The following ODR4 variants were observed in gnomAD, a reference collection of about 807,000 sequenced individuals.
The protein encoded by ODR4 is protein odr-4 homolog.
A neutral mutation model predicts 60.2 loss-of-function variants in ODR4; 47 were observed. The observed-to-expected ratio is 0.78, with a 90% CI of 0.62 to 1.00. The LOEUF (loss-of-function observed/expected upper bound fraction) is 1.00, where lower values mean the gene tolerates loss of function less well. ODR4 is among the 50% of genes least tolerant of loss of function. ODR4 has a pLI of 0.00. For missense variants in ODR4, 488 were observed against 530.8 expected (o/e 0.92, Z 0.79); for synonymous variants, 178 against 175.5 (o/e 1.01, Z -0.11).
intron 9 of ODR4, among the ~76,000 whole-genome samples, chr1:186,396,798 AAT>A (rs1201248228): frequency 6.6e-6 from 1 of 151,966 alleles, no homozygotes; most frequent in Non-Finnish European, 1.5e-5. Flanking sequence ...TACATATACT[AAT>A]ATATAAATGT....
chr1:186,424,043 G>A (rs1377795661), downstream of ODR4, among the ~76,000 whole-genome samples: 7 of 152,106 alleles, frequency 4.6e-5, no homozygotes, highest in South Asian at 4.1e-4. Context: ...AAGAATTCAC[G>A]TACACTAACC....
intron 1 of ODR4, among the ~76,000 whole-genome samples, chr1:186,376,480 GTC>G (rs1659771727): frequency 6.6e-6 from 1 of 152,130 alleles, no homozygotes; most frequent in African/African-American, 2.4e-5. Flanking sequence ...TCCCAGTGTC[GTC>G]TCTCTGCAGT....
the ODR4 span, among the ~76,000 whole-genome samples, chr1:186,431,269 A>G: frequency 6.6e-6 from 1 of 152,208 alleles, no homozygotes; most frequent in Non-Finnish European, 1.5e-5. Flanking sequence ...AAGATTTGTA[A>G]GAAGTATTGC....
At chr1:186,403,102 CA>C (rs1341760787) in intron 11 of ODR4, among the ~76,000 whole-genome samples, 1 of 151,854 alleles carries the variant, frequency 6.6e-6, no homozygotes, top group Non-Finnish European at 1.5e-5. Flanking sequence ...ATATTTCAAA[CA>C]GAAATAAGAT....
Position 186,419,168 on chromosome 1 carries a change from C to G in ODR4, c.*92C>G, listed in dbSNP as rs867787158. On this transcript the variant is annotated 3_prime_UTR_variant, in exon 14 of 14. Coordinates refer to ENST00000287859, the MANE Select transcript of ODR4 (RefSeq NM_017847.6). ...GTTAACAATCCATCTGTATTTAAAACACTAGCAGCCAGATCTGCTGCCATG... is the reference window on the plus strand; with the variant it reads ...GTTAACAATCCATCTGTATTTAAAAGACTAGCAGCCAGATCTGCTGCCATG... 1 of 1,102,038 alleles carries G rather than the reference C, an allele frequency of 9.1e-7. No individual in the cohort carries two copies. 68.3% of individuals were successfully genotyped at this position (1,102,038 alleles called of 1,614,324 possible). A position where few individuals can be genotyped will look rare whatever the true frequency, so the allele number is the denominator to read the frequency against.
At chr1:186,385,693 T>C (rs961886470) in intron 3 of ODR4, among the ~76,000 whole-genome samples, 1 of 152,136 alleles carries the variant, frequency 6.6e-6, no homozygotes, top group Admixed American at 6.5e-5. Context: ...TAGTGTCAAA[T>C]GAGGGTATAA....
chr1:186,396,480 G>C (rs935039585), intron 9 of ODR4, among the ~76,000 whole-genome samples: 21 of 152,010 alleles, frequency 1.4e-4, no homozygotes, highest in African/African-American at 4.8e-4. Flanking sequence ...GTGATGGTGT[G>C]TGCCTGTAGT....
At chr1:186,399,162 A>G (rs910957326) in intron 11 of ODR4, 118 bp downstream of exon 11, 8 of 752,758 alleles carry the variant, frequency 1.1e-5, no homozygotes, top group African/African-American at 8.7e-5. Context: ...CAAGCAGTAT[A>G]TCATCTTTTA....
rs530411773 is a variant in ODR4, at chr1:186,388,604, G to A, written c.437+56G>A. On this transcript the variant is annotated intron_variant, in intron 5 of 13. Coordinates refer to ENST00000287859, the MANE Select transcript of ODR4 (RefSeq NM_017847.6). The stretch of plus-strand genomic sequence containing the variant: ...TACAAAGTACCAAAATAATATTCTT[G>A]CAAGGTTTTTTTGCTATTTATTTAA... The A allele has an allele frequency of 1.6e-5, 16 of 1,014,708 alleles. No homozygotes were observed. The East Asian group carries it at 4.6e-4, about 29-fold the overall frequency. The allele number at this position is 1,014,708 out of a possible 1,614,324, so 62.9% of individuals were successfully genotyped here. A position where few individuals can be genotyped will look rare whatever the true frequency, so the allele number is the denominator to read the frequency against.
chr1:186,409,510 A>G (rs937340978), intron 12 of ODR4, among the ~76,000 whole-genome samples: 2 of 152,240 alleles, frequency 1.3e-5, no homozygotes, highest in Non-Finnish European at 2.9e-5. Flanking sequence ...AAGAACAACA[A>G]AATGCTGATT....
At chr1:186,382,382 A>G (rs1660071976) in intron 2 of ODR4, among the ~76,000 whole-genome samples, 1 of 151,958 alleles carries the variant, frequency 6.6e-6, no homozygotes, top group South Asian at 2.1e-4. Context: ...CTATGATCAC[A>G]CCACTGCACT....
chr1:186,417,488 GT>G, intron 12 of ODR4, 55 bp from the exon 13 acceptor site: 1 of 948,056 alleles, frequency 1.1e-6, no homozygotes, highest in Non-Finnish European at 1.6e-6. Flanking sequence ...TTAAAGCTCA[GT>G]TTCATGTGTT....
the ODR4 span, among the ~76,000 whole-genome samples, chr1:186,433,058 A>G: frequency 6.6e-6 from 1 of 152,178 alleles, no homozygotes; most frequent in Non-Finnish European, 1.5e-5. Context: ...TGCTGGGATT[A>G]CAGGTGTGAG....
intron 13 of ODR4, among the ~76,000 whole-genome samples, chr1:186,418,567 C>T (rs573966559): frequency 2.0e-5 from 3 of 152,240 alleles, no homozygotes; most frequent in East Asian, 1.9e-4. Context: ...TTATAATGGT[C>T]GAACATGGAC....
At chr1:186,415,103 G>T (rs79668124) in intron 12 of ODR4, among the ~76,000 whole-genome samples, 21,312 of 149,720 alleles carry the variant, frequency 0.14, 1,605 homozygotes, top group Non-Finnish European at 0.16. Context: ...AAAAAAAGGG[G>T]GGAGGGTTTT....
chr1:186,378,408 C>T (rs1412321369), intron 1 of ODR4, among the ~76,000 whole-genome samples: 1 of 152,178 alleles, frequency 6.6e-6, no homozygotes, highest in African/African-American at 2.4e-5. Flanking sequence ...ACATTTTCAT[C>T]CTCACTGATT....
chr1:186,408,129 A>G (rs576782023), intron 12 of ODR4, among the ~76,000 whole-genome samples: 1 of 152,164 alleles, frequency 6.6e-6, no homozygotes, highest in Non-Finnish European at 1.5e-5. Flanking sequence ...TGTAAATAAC[A>G]TTATTAATCC....
Position 186,419,048 on chromosome 1 carries a change from G to C in ODR4, c.1337G>C (p.Gly446Ala), listed in dbSNP as rs182322254. The change falls in exon 14 of 14, where the codon GGT (glycine) becomes GCT (alanine). Residue 446 changes from glycine (G) to alanine (A), a missense_variant. Physicochemically the swap from Gly to Ala is moderately conservative, Grantham distance 60. Transcript: ENST00000287859. Reference sequence around the variant, plus strand: ...TTTACAGTTGCAGTCCTTGCTGCGGGTATCTCCTTTCATTACTTCAGTGAT... The same window carrying C: ...TTTACAGTTGCAGTCCTTGCTGCGGCTATCTCCTTTCATTACTTCAGTGAT... ...AAFTVAVLAA[G>A]ISFHYFSD is the part of the protein sequence containing the mutation. 13 of 1,610,920 alleles carry C rather than the reference G, an allele frequency of 8.1e-6. No individual in the cohort carries two copies. The highest frequency in any genetic ancestry group is 1.7e-5 in the Admixed American group (1 of 59,690).
chr1:186,409,172 G>A (rs1196450560), intron 12 of ODR4, among the ~76,000 whole-genome samples: 1 of 148,958 alleles, frequency 6.7e-6, no homozygotes, highest in African/African-American at 2.5e-5. Flanking sequence ...CAGCCTGGGT[G>A]ACAGAGTAGG....
Sources: gnomAD v4.1 joint callset for allele counts (sites outside exome capture counted in the v4.1 genomes callset) on GRCh38, gnomAD v4.1.1 for gene constraint, MANE v1.5 for transcripts, NCBI Gene and HGNC (gene_info 2026-07-23, HGNC 2026-07-21) for gene names.